The following PTPRH variants were observed in gnomAD, a reference collection of about 807,000 sequenced individuals.
PTPRH encodes the protein receptor-type tyrosine-protein phosphatase H.
Under a neutral mutation model 130.2 loss-of-function variants are expected in PTPRH, and 113 were observed. The ratio of observed to expected loss-of-function variants is 0.87; its 90% confidence interval spans 0.75 to 1.01. PTPRH has a LOEUF of 1.01. Ranked by LOEUF, PTPRH falls within the 50% of genes least tolerant of loss-of-function variation. The pLI is 0.00. For missense variants in PTPRH, 1,430 were observed against 1,425.0 expected (o/e 1.00, Z -0.06); for synonymous variants, 556 against 577.9 (o/e 0.96, Z 0.54).
In PTPRH at chr19:55,191,731, G is replaced by A. The variant is rs145758955; in HGVS notation, c.2268C>T (p.Ala756=). ...ACAGGAGGATGCCCACAAAGGCTCC[G>A]GCAATGACCCCTGTGGGGAGGAGGC... ...VCHTESAGVI[A]GAFVGILLFL... The change falls in exon 11 of 20, where the codon GCC becomes GCT. Residue 756 remains alanine (A), a synonymous_variant. Transcript: ENST00000376350. 20 of 1,613,758 alleles carry A rather than the reference G, an allele frequency of 1.2e-5. No individual in the cohort carries two copies. The highest frequency in any genetic ancestry group is 8.9e-5 in the East Asian group (4 of 44,884).
At chr19:55,188,232 G>C in intron 12 of PTPRH, 64 bp from the exon 13 acceptor site, 1 of 1,338,270 alleles carries the variant, frequency 7.5e-7, no homozygotes. Context: ...ACTTTTGAGG[G>C]CTGGGCATGG....
At chr19:55,189,636 A>AC (rs1374499277) in intron 12 of PTPRH, 1 of 455,228 alleles carries the variant, frequency 2.2e-6, no homozygotes, top group Admixed American at 2.4e-5. Context: ...CTGTACTCAG[A>AC]TGACTTCCTC....
chr19:55,192,946 T>C (rs1020123948), intron 10 of PTPRH, among the ~76,000 whole-genome samples: 21 of 151,530 alleles, frequency 1.4e-4, no homozygotes, highest in African/African-American at 4.8e-4. Context: ...GAGTGACTCC[T>C]GGCCAGGCAT....
At chr19:55,192,380 T>C (rs1256226846) in intron 10 of PTPRH, among the ~76,000 whole-genome samples, 5 of 151,614 alleles carry the variant, frequency 3.3e-5, no homozygotes, top group Admixed American at 1.3e-4. Flanking sequence ...CCAGCCTGGG[T>C]AACAGAGCAA....
chr19:55,198,049 C>CA (rs2086740982), intron 8 of PTPRH, among the ~76,000 whole-genome samples: 1 of 152,034 alleles, frequency 6.6e-6, no homozygotes, highest in Non-Finnish European at 1.5e-5. Context: ...CCTCTCTCTA[C>CA]AAAAAATATT....
rs751967747 is a variant in PTPRH, at chr19:55,197,273, GC to G, written c.1833del (p.Gln612LysfsTer41). Reference sequence around the variant, plus strand: ...TTGACCCAATTCGCTTGGGGATCTTGCCCCCTCCGGGGATGTCCCTTGCTGG... The same window carrying G: ...TTGACCCAATTCGCTTGGGGATCTTGCCCCTCCGGGGATGTCCCTTGCTGG... ...QWASKGHPRR[G>X]QDPQANWVNQ... is the part of the protein sequence containing the mutation. On this transcript the variant is annotated frameshift_variant, in exon 9 of 20. Transcript: ENST00000376350. LOFTEE classifies it high-confidence loss of function. 2 of 1,614,142 alleles carry G rather than the reference GC, an allele frequency of 1.2e-6. No individual in the cohort carries two copies. The highest frequency in any genetic ancestry group is 1.3e-5 in the African/African-American group (1 of 74,930).
chr19:55,207,337 G>T, intron 1 of PTPRH, 138 bp from the exon 2 acceptor site: 1 of 911,048 alleles, frequency 1.1e-6, no homozygotes, highest in Non-Finnish European at 1.7e-6. Context: ...TGTTAGGCTG[G>T]GCTGTCACGA....
chr19:55,200,029 C>A (rs997847839), intron 7 of PTPRH, among the ~76,000 whole-genome samples: 6 of 152,218 alleles, frequency 3.9e-5, no homozygotes, highest in African/African-American at 1.4e-4. Context: ...CAGCCCCACA[C>A]TCAGCGGGAG....
At position 55,181,684 on chromosome 19, in the gene PTPRH, A is replaced by G; in HGVS notation, c.*70T>C. On this transcript the variant is annotated 3_prime_UTR_variant, in exon 20 of 20. Coordinates refer to ENST00000376350, the MANE Select transcript of PTPRH (RefSeq NM_002842.5). The stretch of plus-strand genomic sequence containing the variant: ...TGGGAGCCCAGCCCTCTGCTCTTCC[A>G]GGAATCTGGGCTCAAGTGGGTGTCC... 1.9e-6 allele frequency: 3 copies of G among 1,592,108 alleles called. No individual in the cohort carries two copies. The highest frequency in any genetic ancestry group is 2.6e-6 in the Non-Finnish European group (3 of 1,165,100).
chr19:55,199,015 C>T, intron 7 of PTPRH, 103 bp from the exon 8 acceptor site: 1 of 1,157,362 alleles, frequency 8.6e-7, no homozygotes, highest in Non-Finnish European at 1.1e-6. Context: ...CATCCAGAAA[C>T]ACTTCCTGGC....
intron 14 of PTPRH, among the ~76,000 whole-genome samples, chr19:55,187,275 G>C (rs1198185530): frequency 7.2e-6 from 1 of 138,868 alleles, no homozygotes; most frequent in African/African-American, 2.8e-5. Context: ...AACCCGGGAG[G>C]CGGAGCTTGC....
chr19:55,193,641 C>T (rs145522234), intron 10 of PTPRH, among the ~76,000 whole-genome samples: 149 of 152,222 alleles, frequency 9.8e-4, no homozygotes, highest in African/African-American at 3.1e-3. Context: ...ATGCGCAGGA[C>T]GGCCCCCCCA....
chr19:55,197,082 A>C lies in PTPRH; in HGVS notation c.1990+35T>G, dbSNP rs116156449. On this transcript the variant is annotated intron_variant, in intron 9 of 19. Transcript: ENST00000376350. ...CTCGCAAGGACTGTGAGCTAAGCCCAGTTCACCACTTGAAGGCAGGAAGGG... is the reference window on the plus strand; with the variant it reads ...CTCGCAAGGACTGTGAGCTAAGCCCCGTTCACCACTTGAAGGCAGGAAGGG... 1,081 of 1,607,704 alleles carry C rather than the reference A, an allele frequency of 6.7e-4. 6 individuals are homozygous for C. In the African/African-American group the frequency reaches 0.012, roughly 18 times the overall value.
chr19:55,187,654 C>T, intron 13 of PTPRH, 51 bp from the exon 14 acceptor site: 1 of 1,400,318 alleles, frequency 7.1e-7, no homozygotes, highest in Non-Finnish European at 1.0e-6. Context: ...CTCTACTTTC[C>T]CTCGGGGGTA....
chr19:55,207,387 C>T (rs564673281), intron 1 of PTPRH, 188 bp from the exon 2 acceptor site: 37 of 612,462 alleles, frequency 6.0e-5, no homozygotes, highest in Non-Finnish European at 9.6e-5. Flanking sequence ...GAAGGGGGAG[C>T]ATGGCAGGAG....
chr19:55,197,953 C>T (rs1198964232), intron 8 of PTPRH, among the ~76,000 whole-genome samples: 1 of 152,200 alleles, frequency 6.6e-6, no homozygotes, highest in Non-Finnish European at 1.5e-5. Context: ...TGGCTCACTC[C>T]TGTAATCTCA....
intron 18 of PTPRH, among the ~76,000 whole-genome samples, chr19:55,185,193 A>G (rs1730328930): frequency 6.6e-6 from 1 of 151,804 alleles, no homozygotes; most frequent in Non-Finnish European, 1.5e-5. Context: ...CAAGGTTTGT[A>G]TGTTGGCCAA....
chr19:55,196,925 G>C, intron 9 of PTPRH, 137 bp from the exon 10 acceptor site: 1 of 1,260,374 alleles, frequency 7.9e-7, no homozygotes, highest in African/African-American at 1.5e-5. Flanking sequence ...CTCCTTTTCT[G>C]TCCTCCCCGA....
At chr19:55,200,613 C>T in intron 6 of PTPRH, 111 bp from the exon 7 acceptor site, 2 of 1,199,818 alleles carry the variant, frequency 1.7e-6, no homozygotes, top group South Asian at 1.5e-5. Context: ...ACTGCTGGTG[C>T]CAGCAGATGC....
Sources: allele counts gnomAD v4.1 joint callset (sites outside exome capture counted in the v4.1 genomes callset), GRCh38; gene constraint gnomAD v4.1.1; transcripts MANE v1.5; gene names NCBI Gene and HGNC (gene_info 2026-07-23, HGNC 2026-07-21).